EVI5L: variants seen among roughly 807,000 people sequenced by gnomAD.
EVI5L encodes EVI5-like protein.
In EVI5L, 30 loss-of-function variants were observed where a neutral mutation model predicts 106.1. The ratio of observed to expected loss-of-function variants is 0.28; its 90% CI spans 0.21 to 0.38. EVI5L has a LOEUF of 0.38. EVI5L is among the 10% of genes least tolerant of loss of function. The probability of loss-of-function intolerance (pLI) is 1.00; values close to 1 mark genes in which losing one functional copy is unlikely to be tolerated. For missense variants in EVI5L, 809 were observed against 1,098.0 expected (o/e 0.74, Z 3.72); for synonymous variants, 489 against 483.3 (o/e 1.01, Z -0.15).
chr19:7,836,341 A>G (rs1978343727), intron 1 of EVI5L, among the ~76,000 whole-genome samples: 1 of 152,244 alleles, frequency 6.6e-6, no homozygotes, highest in African/African-American at 2.4e-5. Flanking sequence ...CACAGACTGA[A>G]AGATGCATCA....
chr19:7,857,829 G>C lies in EVI5L; in HGVS notation c.1234-362G>C. On this transcript the variant is annotated intron_variant, in intron 12 of 19. Transcript: ENST00000538904. The surrounding 1 kb of genome is among the most constrained non-coding windows in gnomAD (Gnocchi z 4.5). ...CCTGCCGGGGCCTCAGCTGTCCCCAGATCCTCACCCTCACCGGCAGAGTCT... is the reference window on the plus strand; with the variant it reads ...CCTGCCGGGGCCTCAGCTGTCCCCACATCCTCACCCTCACCGGCAGAGTCT... The C allele has an allele frequency of 3.9e-6, 1 of 255,940 alleles. No individual in the cohort carries two copies. The highest frequency in any genetic ancestry group is 5.4e-5 in the South Asian group (1 of 18,528). The allele number at this position is 255,940 out of a possible 1,614,324, so 15.9% of individuals were successfully genotyped here.
chr19:7,835,216 T>C lies in EVI5L; in HGVS notation c.-48+4835T>C, dbSNP rs147782242. 7.7e-6 allele frequency among the ~76,000 whole-genome samples: 1 copy of C among 129,948 alleles called. No individual in the cohort carries two copies. The highest frequency in any genetic ancestry group is 1.8e-5 in the Non-Finnish European group (1 of 56,592). The allele number at this position is 129,948 out of a possible 152,430, so 85.3% of individuals were successfully genotyped here. A position where few individuals can be genotyped will look rare whatever the true frequency, so the allele number is the denominator to read the frequency against. On this transcript the variant is annotated intron_variant, in intron 1 of 19. Transcript: ENST00000538904. This position sits in a 1 kb window ranked among gnomAD's most constrained non-coding sequence, Gnocchi z 4.1. ...TACCCAAGGTTACAAAGATAGAAAG[T>C]GGTAGAGGAGGCCAGGAGCGGTGGC...
At chr19:7,838,075 G>A (rs1406498691) in intron 1 of EVI5L, among the ~76,000 whole-genome samples, 1 of 65,690 alleles carries the variant, frequency 1.5e-5, no homozygotes, top group East Asian at 3.4e-4. Flanking sequence ...TGTCTGGTGT[G>A]TTTATTTTTT....
intron 14 of EVI5L, among the ~76,000 whole-genome samples, chr19:7,860,997 G>A (rs568295609): frequency 6.6e-6 from 1 of 152,248 alleles, no homozygotes; most frequent in South Asian, 2.1e-4. Context: ...GGGACAGGAA[G>A]GAGAGAAAGG....
rs1223199947 is a variant in EVI5L, at chr19:7,858,381, C to T, written c.1374+50C>T. On this transcript the variant is annotated intron_variant, in intron 13 of 19. Coordinates refer to ENST00000538904, the MANE Select transcript of EVI5L (RefSeq NM_001159944.3). This position sits in a 1 kb window ranked among gnomAD's most constrained non-coding sequence, Gnocchi z 5.7. ...TGGGCGGGGCCATGACCCGCGCCCC[C>T]GCCCCCGCCCAACGGTTTTCTTTCA... is the stretch of plus-strand genomic sequence containing the variant. 4.7e-6 allele frequency: 7 copies of T among 1,498,954 alleles called. No homozygotes were observed. The highest frequency in any genetic ancestry group is 2.4e-4 in the Middle Eastern group (1 of 4,174). 92.9% of individuals were successfully genotyped at this position (1,498,954 alleles called of 1,614,324 possible). A position where few individuals can be genotyped will look rare whatever the true frequency, so the allele number is the denominator to read the frequency against.
Position 7,862,461 on chromosome 19 carries a change from T to C in EVI5L, c.1874T>C (p.Leu625Pro). ...RAALQEKLQY[L>P]AAQNKGLQTQ... ...GCGCTGCAGGAGAAGCTGCAGTACC[T>C]GGCTGCACAGAACAAGGGGCTGCAG... Residue 625 changes from leucine (L) to proline (P), a missense_variant, in exon 17 of 20, where the codon CTG becomes CCG. By Grantham distance (98) the Leu-to-Pro change is moderately conservative (BLOSUM62 -3). Around this residue, in one of 2 missense-constraint regions of EVI5L, gnomAD observed 452 missense variants for 509.9 expected, o/e 0.89. Transcript: ENST00000538904. 2 of 1,608,472 alleles carry C rather than the reference T, an allele frequency of 1.2e-6. No homozygotes were observed. Among genetic ancestry groups the C allele is most frequent in the Non-Finnish European group, 1.7e-6 (2 of 1,178,134 alleles).
Position 7,858,657 on chromosome 19 carries a change from T to C in EVI5L, c.1374+326T>C. 2.8e-6 allele frequency: 1 copy of C among 361,296 alleles called. No individual in the cohort carries two copies. The highest frequency in any genetic ancestry group is 5.1e-6 in the Non-Finnish European group (1 of 197,398). The allele number at this position is 361,296 out of a possible 1,614,324, so 22.4% of individuals were successfully genotyped here. On this transcript the variant is annotated intron_variant, in intron 13 of 19. Coordinates refer to ENST00000538904, the MANE Select transcript of EVI5L (RefSeq NM_001159944.3). This position sits in a 1 kb window ranked among gnomAD's most constrained non-coding sequence, Gnocchi z 5.7. ...GTGTCACAGGCAGCAGACAGGGCTGTGACTCCTTACGGAGGCTCTTGCCTG... is the reference window on the plus strand; with the variant it reads ...GTGTCACAGGCAGCAGACAGGGCTGCGACTCCTTACGGAGGCTCTTGCCTG...
At position 7,849,082 on chromosome 19, in the gene EVI5L, G is replaced by A. The variant is rs752253145; in HGVS notation, c.489G>A (p.Pro163=). 3.0e-5 allele frequency: 49 copies of A among 1,611,142 alleles called. No individual in the cohort carries two copies. Among genetic ancestry groups the A allele is most frequent in the Middle Eastern group, 1.6e-4 (1 of 6,080 alleles). Residue 163 remains proline, a synonymous_variant, in exon 4 of 20, where the codon CCG becomes CCA. Transcript: ENST00000538904. ...LIRRDIARTY[P]EHEFFKGQDS... is the part of the protein sequence containing the mutation. ...GCAGGGACATCGCCCGCACCTACCCGGAACATGAGTTCTTCAAGGGCCAGG... is the reference window on the plus strand; with the variant it reads ...GCAGGGACATCGCCCGCACCTACCCAGAACATGAGTTCTTCAAGGGCCAGG...
chr19:7,857,032 TC>T lies in EVI5L; in HGVS notation c.1201-56del, dbSNP rs1462438514. On this transcript the variant is annotated intron_variant, in intron 11 of 19. Coordinates refer to ENST00000538904, the MANE Select transcript of EVI5L (RefSeq NM_001159944.3). The surrounding 1 kb of genome is among the most constrained non-coding windows in gnomAD (Gnocchi z 4.5). ...GTTCTTGTCTGTCTCCCCTCTCCTG[TC>T]CCCGCGCCTTCCGCTCTGCCTCCTC... 3 of 1,538,198 alleles carry T rather than the reference TC, an allele frequency of 2.0e-6. No homozygotes were observed. The highest frequency in any genetic ancestry group is 3.9e-5 in the Admixed American group (2 of 50,966).
intron 1 of EVI5L, among the ~76,000 whole-genome samples, chr19:7,836,192 G>T (rs1276800793): frequency 6.6e-6 from 1 of 151,668 alleles, no homozygotes; most frequent in African/African-American, 2.4e-5. Context: ...AGCCAAGATC[G>T]TGCAACTGCA....
At position 7,846,500 on chromosome 19, in the gene EVI5L, A is replaced by C; in HGVS notation, c.-43A>C. ...ACGCATGTCTCTGGCCCCCAGACAGAGCTGTGAACCAACCCCGCTCACGGC... is the reference window on the plus strand; with the variant it reads ...ACGCATGTCTCTGGCCCCCAGACAGCGCTGTGAACCAACCCCGCTCACGGC... On this transcript the variant is annotated 5_prime_UTR_variant, in exon 2 of 20. Transcript: ENST00000538904. 3 of 1,572,330 alleles carry C rather than the reference A, an allele frequency of 1.9e-6. No homozygotes were observed. In the East Asian group the frequency reaches 6.8e-5, roughly 36 times the overall value.
chr19:7,860,467 G>T, intron 13 of EVI5L, 94 bp from the exon 14 acceptor site: 1 of 1,125,770 alleles, frequency 8.9e-7, no homozygotes, highest in Middle Eastern at 3.0e-4. Context: ...CCTGCTGAAG[G>T]GCTCTGGGGA....
At chr19:7,840,027 G>A (rs1023801162) in intron 1 of EVI5L, among the ~76,000 whole-genome samples, 3 of 152,136 alleles carry the variant, frequency 2.0e-5, no homozygotes, top group Non-Finnish European at 4.4e-5. Flanking sequence ...GGGAGGAGGG[G>A]AACACCCAGG....
At chr19:7,842,587 C>A (rs186813699) in intron 1 of EVI5L, among the ~76,000 whole-genome samples, 1 of 125,646 alleles carries the variant, frequency 8.0e-6, no homozygotes, top group Non-Finnish European at 1.7e-5. Context: ...ATGTATCAAG[C>A]ATGTGTGAAT....
Position 7,846,639 on chromosome 19 carries a change from G to C in EVI5L, c.97G>C (p.Asp33His). 1 of 1,613,652 alleles carries C rather than the reference G, an allele frequency of 6.2e-7. No homozygotes were observed. The highest frequency in any genetic ancestry group is 8.5e-7 in the Non-Finnish European group (1 of 1,179,942). ...PTSDSENLSPDELELLAKLEE... is the reference protein window; with the variant it reads ...PTSDSENLSPHELELLAKLEE... Reference sequence around the variant, plus strand: ...CTCTGACTCCGAGAACCTCAGCCCCGATGAGCTGGAGCTGCTGGCCAAGCT... The same window carrying C: ...CTCTGACTCCGAGAACCTCAGCCCCCATGAGCTGGAGCTGCTGGCCAAGCT... Residue 33 changes from aspartate (D) to histidine (H), a missense_variant, in exon 2 of 20, where the codon GAT (aspartate) becomes CAT (histidine). Coordinates refer to ENST00000538904, the MANE Select transcript of EVI5L (RefSeq NM_001159944.3).
At chr19:7,852,960 G>T in intron 8 of EVI5L, 126 bp from the exon 9 acceptor site, 1 of 830,194 alleles carries the variant, frequency 1.2e-6, no homozygotes, top group Non-Finnish European at 2.0e-6. Flanking sequence ...AGGACACGGC[G>T]TTGAGGACAT....
Position 7,862,190 on chromosome 19 carries a change from C to A in EVI5L, c.1713C>A (p.Asp571Glu). ...AGCTGGTCGTGGGCGAGCTGCAGGA[C>A]GAGCTGATGAGCGTGCGTCTGCGCG... ...PRKLVVGELQ[D>E]ELMSVRLREA... Residue 571 changes from aspartate to glutamate, a missense_variant, in exon 16 of 20, where the codon GAC becomes GAA. Asp to Glu is a conservative substitution (Grantham distance 45). Coordinates refer to ENST00000538904, the MANE Select transcript of EVI5L (RefSeq NM_001159944.3). 6.3e-7 allele frequency: 1 copy of A among 1,576,672 alleles called. No homozygotes were observed. Among genetic ancestry groups the A allele is most frequent in the Non-Finnish European group, 8.6e-7 (1 of 1,164,754 alleles).
Position 7,857,143 on chromosome 19 carries a change from C to G in EVI5L, c.1233+19C>G, listed in dbSNP as rs1219239732. The stretch of plus-strand genomic sequence containing the variant: ...AATCCAGGTACTGTAGCTTTTTATC[C>G]CCTCTCCGGATTCCTTCCTGGCCCC... On this transcript the variant is annotated intron_variant, in intron 12 of 19. Coordinates refer to ENST00000538904, the MANE Select transcript of EVI5L (RefSeq NM_001159944.3). The surrounding 1 kb of genome is among the most constrained non-coding windows in gnomAD (Gnocchi z 4.5). 1 of 1,551,566 alleles carries G rather than the reference C, an allele frequency of 6.4e-7. No individual in the cohort carries two copies. The highest frequency in any genetic ancestry group is 1.7e-4 in the Middle Eastern group (1 of 5,844).
intron 2 of EVI5L, among the ~76,000 whole-genome samples, chr19:7,847,516 G>T (rs1407658548): frequency 6.6e-6 from 1 of 151,992 alleles, no homozygotes; most frequent in East Asian, 1.9e-4. Context: ...GAACCAGGAG[G>T]CAGAGGTTGC....
Sources: allele counts gnomAD v4.1 joint callset (sites outside exome capture counted in the v4.1 genomes callset), GRCh38; gene constraint gnomAD v4.1.1; regional missense constraint gnomAD v4.1.1; non-coding constraint Gnocchi (gnomAD v3.1); transcripts MANE v1.5; gene names NCBI Gene and HGNC (gene_info 2026-07-23, HGNC 2026-07-21).